The following PARP14 variants were observed in gnomAD, a reference collection of about 807,000 sequenced individuals.
PARP14 encodes poly(ADP-ribose) polymerase family member 14.
In PARP14, 59 loss-of-function variants were observed where a neutral mutation model predicts 154.2. The observed-to-expected ratio is 0.38, with a 90% confidence interval of 0.31 to 0.48. PARP14 has a LOEUF of 0.48. Ranked by LOEUF, PARP14 falls within the 20% of genes least tolerant of loss-of-function variation. PARP14 has a pLI of 0.98. For synonymous variants in PARP14, 720 were observed against 780.5 expected (o/e 0.92, Z 1.29); for missense variants, 1,734 against 2,131.6 (o/e 0.81, Z 3.67).
intron 5 of PARP14, among the ~76,000 whole-genome samples, chr3:122,695,892 T>A (rs1461747618): frequency 6.6e-6 from 1 of 152,098 alleles, no homozygotes; most frequent in African/African-American, 2.4e-5. Context: ...TTTTCATGAG[T>A]CTCTACCTAT....
chr3:122,681,468 CTGAT>C lies in PARP14; in HGVS notation c.187+400_187+403del. Among the ~76,000 whole-genome samples the C allele has an allele frequency of 6.6e-6, 1 of 152,148 alleles. No homozygotes were observed. The highest frequency in any genetic ancestry group is 1.5e-5 in the Non-Finnish European group (1 of 68,022). ...TATTATTCTTGTGTGGGGAAGGAAA[CTGAT>C]TAAGAAACGTGGCAAGTCACAGAGA... On this transcript the variant is annotated intron_variant, in intron 1 of 16. Coordinates refer to ENST00000474629, the MANE Select transcript of PARP14 (RefSeq NM_017554.3). The surrounding 1 kb of genome is among the most constrained non-coding windows in gnomAD (Gnocchi z 5.5).
In PARP14 at chr3:122,715,103, G is replaced by GT. The variant is rs549641159; in HGVS notation, c.4000+686dup. Among the ~76,000 whole-genome samples, 1,035 of 146,612 alleles carry GT rather than the reference G, an allele frequency of 7.1e-3. 6 individuals carry two copies. Among genetic ancestry groups the GT allele is most frequent in the African/African-American group, 0.021 (851 of 40,112 alleles). On this transcript the variant is annotated intron_variant, in intron 12 of 16. Transcript: ENST00000474629. The stretch of plus-strand genomic sequence containing the variant: ...CTCTGGATTTATCATTAATTAGGTG[G>GT]TTTTTTTTTTTTAATTATACTGGGG...
At position 122,727,806 on chromosome 3, in the gene PARP14, T is replaced by C. The variant is rs1254958925; in HGVS notation, c.4942-6T>C. 8 of 1,580,628 alleles carry C rather than the reference T, an allele frequency of 5.1e-6. No homozygotes were observed. Among genetic ancestry groups the C allele is most frequent in the Non-Finnish European group, 6.9e-6 (8 of 1,159,652 alleles). On this transcript the variant is annotated splice_region_variant and splice_polypyrimidine_tract_variant and intron_variant, in intron 15 of 16. Transcript: ENST00000474629. ...TGGCAGAATATTATCCTTTATTAAT[T>C]TGCAGATTGAGAGGATCCAGAATCC...
chr3:122,699,628 C>T lies in PARP14; in HGVS notation c.1074C>T (p.Ser358=), dbSNP rs758306567. The change falls in exon 6 of 17, where the codon TCC becomes TCT. Residue 358 remains serine, a synonymous_variant. Coordinates refer to ENST00000474629, the MANE Select transcript of PARP14 (RefSeq NM_017554.3). ...MRRCHCELTW[S]QLSGKVTIRP... ...GTTGTCACTGTGAGCTCACGTGGTC[C>T]CAACTCAGTGGTAAAGTTACCATCA... 1 of 1,613,912 alleles carries T rather than the reference C, an allele frequency of 6.2e-7. No individual in the cohort carries two copies. The highest frequency in any genetic ancestry group is 8.5e-7 in the Non-Finnish European group (1 of 1,179,858).
At chr3:122,705,390 T>A (rs1939122968) in intron 8 of PARP14, among the ~76,000 whole-genome samples, 1 of 152,232 alleles carries the variant, frequency 6.6e-6, no homozygotes, top group South Asian at 2.1e-4. Context: ...ATACATAGTA[T>A]AAAAGCACAG....
intron 15 of PARP14, chr3:122,720,860 C>T (rs915913932): frequency 2.2e-6 from 1 of 456,698 alleles, no homozygotes; most frequent in Non-Finnish European, 4.4e-6. Context: ...GTAGTCCCAG[C>T]TATTGGGAGG....
In PARP14 at chr3:122,728,576, C is replaced by T. The variant is rs1204655025; in HGVS notation, c.5385C>T (p.Tyr1795=). ...AFYDYQAYPE[Y]LITFRK Reference sequence around the variant, plus strand: ...ATGACTACCAAGCATACCCAGAGTACCTTATTACGTTTAGAAAATAACACT... The same window carrying T: ...ATGACTACCAAGCATACCCAGAGTATCTTATTACGTTTAGAAAATAACACT... Residue 1795 remains tyrosine, a synonymous_variant, in exon 17 of 17, where the codon TAC becomes TAT. Transcript: ENST00000474629. The T allele has an allele frequency of 3.7e-6, 6 of 1,610,912 alleles. No homozygotes were observed. The highest frequency in any genetic ancestry group is 3.3e-5 in the Admixed American group (2 of 59,906).
Position 122,681,033 on chromosome 3 carries a change from C to T in PARP14, c.150C>T (p.Ser50=). The change falls in exon 1 of 17, where the codon AGC becomes AGT. Residue 50 remains serine, a synonymous_variant. Transcript: ENST00000474629. This position sits in a 1 kb window ranked among gnomAD's most constrained non-coding sequence, Gnocchi z 5.5. ...GTGAGGTCCGCCAGGATCCCAGGAG[C>T]CCATCCCGCTTCCTGGTGTTCTTCT... is the stretch of plus-strand genomic sequence containing the variant. ...GECEVRQDPR[S]PSRFLVFFYP... 6.2e-7 allele frequency: 1 copy of T among 1,613,694 alleles called. No homozygotes were observed. Among genetic ancestry groups the T allele is most frequent in the Non-Finnish European group, 8.5e-7 (1 of 1,179,662 alleles).
rs1318376022 is a variant in PARP14, at chr3:122,706,413, G to T, written c.3540+1665G>T. Among the ~76,000 whole-genome samples, 8 of 152,272 alleles carry T rather than the reference G, an allele frequency of 5.3e-5. No homozygotes were observed. In the East Asian group the frequency reaches 1.3e-3, roughly 26 times the overall value. ...TGTGATTTGAACATGGCCTCTAGAT[G>T]TGCTTTATTTAGATTATTAAAAAAA... On this transcript the variant is annotated intron_variant, in intron 8 of 16. Coordinates refer to ENST00000474629, the MANE Select transcript of PARP14 (RefSeq NM_017554.3).
In PARP14 at chr3:122,701,700, A is replaced by C; in HGVS notation, c.3081+65A>C. On this transcript the variant is annotated intron_variant, in intron 6 of 16. Coordinates refer to ENST00000474629, the MANE Select transcript of PARP14 (RefSeq NM_017554.3). The surrounding 1 kb of genome is among the most constrained non-coding windows in gnomAD (Gnocchi z 4.0). ...ACTTTACTTAGTCAGTGGCTCTCTCATGGAGGGCTGAAGAAAGATAAGGAC... is the reference window on the plus strand; with the variant it reads ...ACTTTACTTAGTCAGTGGCTCTCTCCTGGAGGGCTGAAGAAAGATAAGGAC... 4.3e-5 allele frequency: 50 copies of C among 1,163,884 alleles called. No homozygotes were observed. Among genetic ancestry groups the C allele is most frequent in the Non-Finnish European group, 5.6e-5 (47 of 832,156 alleles). The allele number at this position is 1,163,884 out of a possible 1,614,324, so 72.1% of individuals were successfully genotyped here.
At chr3:122,722,794 T>C (rs1046879656) in intron 15 of PARP14, 2 of 152,198 alleles carry the variant, frequency 1.3e-5, no homozygotes, top group Non-Finnish European at 2.9e-5. Flanking sequence ...GCTGAAGCAT[T>C]TGAAGGTAAG....
chr3:122,687,650 A>T (rs1392584530), intron 3 of PARP14, among the ~76,000 whole-genome samples: 1 of 152,208 alleles, frequency 6.6e-6, no homozygotes, highest in East Asian at 1.9e-4. Flanking sequence ...CTGCTCTAGG[A>T]AACAGCCAGC....
intron 2 of PARP14, 51 bp downstream of exon 2, chr3:122,685,369 G>A: frequency 6.5e-7 from 1 of 1,535,986 alleles, no homozygotes; most frequent in South Asian, 1.1e-5. Flanking sequence ...CCCAAGGTGT[G>A]TGAGATGGGA....
chr3:122,704,762 A>G lies in PARP14; in HGVS notation c.3540+14A>G. On this transcript the variant is annotated intron_variant, in intron 8 of 16. Transcript: ENST00000474629. ...GAAAATATTCAGGTACAGTGCCACT[A>G]ATTTCTGATTATTTTGGCAACTGAG... The G allele has an allele frequency of 1.3e-6, 2 of 1,489,468 alleles. No individual in the cohort carries two copies. Among genetic ancestry groups the G allele is most frequent in the Non-Finnish European group, 1.8e-6 (2 of 1,085,160 alleles). The allele number at this position is 1,489,468 out of a possible 1,614,324, so 92.3% of individuals were successfully genotyped here.
chr3:122,702,286 G>A (rs900026464), intron 6 of PARP14, among the ~76,000 whole-genome samples: 2 of 152,158 alleles, frequency 1.3e-5, no homozygotes, highest in Admixed American at 6.5e-5. Flanking sequence ...GCACCATCTC[G>A]GCTCACTGCA....
chr3:122,703,709 A>C (rs1939056888), intron 6 of PARP14, 33 bp from the exon 7 acceptor site: 1 of 1,381,846 alleles, frequency 7.2e-7, no homozygotes, highest in Non-Finnish European at 9.9e-7. Context: ...TTTTTGTTAA[A>C]ATTTGAAACA....
intron 2 of PARP14, among the ~76,000 whole-genome samples, chr3:122,686,411 TC>T (rs2107636225): frequency 6.6e-6 from 1 of 152,258 alleles, no homozygotes; most frequent in Non-Finnish European, 1.5e-5. Context: ...TGCCTTGGCC[TC>T]CCAAAGTGCT....
chr3:122,706,866 A>G (rs1215149409), intron 8 of PARP14, among the ~76,000 whole-genome samples: 1 of 152,166 alleles, frequency 6.6e-6, no homozygotes, highest in African/African-American at 2.4e-5. Context: ...TAGAATACAT[A>G]CACCAGCTAC....
rs956215914 is a variant in PARP14 at position 122,724,460 on chromosome 3, ATTTTTTTT to A, written c.4942-3337_4942-3330del. On this transcript the variant is annotated intron_variant, in intron 15 of 16. Transcript: ENST00000474629. ...GCTACAGGCACATGCCACCACGCCTATTTTTTTTTTTTTTTTTTTTTTGTAGAGATGGA... is the reference window on the plus strand; with the variant it reads ...GCTACAGGCACATGCCACCACGCCTATTTTTTTTTTTTTTGTAGAGATGGA... 7.8e-5 allele frequency among the ~76,000 whole-genome samples: 8 copies of A among 102,008 alleles called. No homozygotes were observed. The South Asian group carries it at 9.5e-4, about 12-fold the overall frequency. 66.9% of individuals were successfully genotyped at this position (102,008 alleles called of 152,430 possible).
Sources: allele counts gnomAD v4.1 joint callset (sites outside exome capture counted in the v4.1 genomes callset), GRCh38; gene constraint gnomAD v4.1.1; non-coding constraint Gnocchi (gnomAD v3.1); transcripts MANE v1.5; gene names NCBI Gene and HGNC (gene_info 2026-07-23, HGNC 2026-07-21).